Variants in TUBB8 observed in about 807,000 individuals in gnomAD.
TUBB8 encodes tubulin beta 8 class VIII.
TUBB8 carries 25 observed loss-of-function variants against 33.7 expected under a neutral mutation model. The observed-to-expected ratio is 0.74, with a 90% CI of 0.54 to 1.04. The LOEUF (loss-of-function observed/expected upper bound fraction) is 1.04, where lower values mean the gene tolerates loss of function less well. Among genes scored for constraint, TUBB8 ranks in the 50% least tolerant of loss-of-function variants. TUBB8 has a pLI of 0.00. For missense variants in TUBB8, 279 were observed against 608.0 expected, an observed-to-expected ratio of 0.46 and a Z score of 5.69; for synonymous variants, 245 against 240.1, an observed-to-expected ratio of 1.02 and a Z score of -0.19.
upstream of TUBB8, among the ~76,000 whole-genome samples, chr10:52,013 A>G (rs1197147821): frequency 2.0e-5 from 3 of 149,930 alleles, no homozygotes; most frequent in African/African-American, 4.9e-5. Context: ...GTGAGGGACA[A>G]AGAGCACAAG....
At chr10:73,712 C>A (rs1306341528) in intron 1 of TUBB8, among the ~76,000 whole-genome samples, 1 of 151,830 alleles carries the variant, frequency 6.6e-6, no homozygotes, top group Non-Finnish European at 1.5e-5. Flanking sequence ...CAGGCTGTGG[C>A]GCCTGCCAGT....
chr10:68,454 C>T (rs370633285), intron 1 of TUBB8, among the ~76,000 whole-genome samples: 1 of 133,642 alleles, frequency 7.5e-6, no homozygotes, highest in African/African-American at 2.9e-5. Flanking sequence ...GATATTGCAG[C>T]CGCAATACTG....
At chr10:75,974 C>A (rs1282598945), upstream of TUBB8, among the ~76,000 whole-genome samples, 1 of 151,702 alleles carries the variant, frequency 6.6e-6, no homozygotes, top group Non-Finnish European at 1.5e-5. Flanking sequence ...CCCGTCTCAA[C>A]TAAAAATAGA....
intron 1 of TUBB8, among the ~76,000 whole-genome samples, chr10:73,705 G>C (rs1834767905): frequency 6.6e-6 from 1 of 151,798 alleles, no homozygotes; most frequent in African/African-American, 2.4e-5. Context: ...TCGACCTCAG[G>C]CTGTGGCGCC....
At chr10:60,203 T>C (rs1292546094) in intron 1 of TUBB8, among the ~76,000 whole-genome samples, 5 of 152,120 alleles carry the variant, frequency 3.3e-5, no homozygotes, top group African/African-American at 1.2e-4. Context: ...TTAGGTTATT[T>C]ATTTGCAGCT....
upstream of TUBB8, among the ~76,000 whole-genome samples, chr10:75,579 C>T (rs1442859717): frequency 6.9e-6 from 1 of 145,920 alleles, no homozygotes; most frequent in Non-Finnish European, 1.5e-5. Flanking sequence ...TGCTTAAACC[C>T]GGGAGGCGGA....
intron 1 of TUBB8, among the ~76,000 whole-genome samples, chr10:64,929 AAG>A (rs1834649864): frequency 6.7e-6 from 1 of 149,854 alleles, no homozygotes; most frequent in Admixed American, 6.7e-5. Flanking sequence ...TTGAGGCCAG[AAG>A]CTTGAGACCA....
chr10:72,788 G>C (rs1360055924), intron 1 of TUBB8, among the ~76,000 whole-genome samples: 1 of 151,132 alleles, frequency 6.6e-6, no homozygotes, highest in Non-Finnish European at 1.5e-5. Flanking sequence ...GGAGGTGGAG[G>C]TTACAGCGAG....
chr10:71,667 C>G lies in TUBB8; in HGVS notation c.-846+2302G>C, dbSNP rs574423539. On this transcript the variant is annotated intron_variant, in intron 1 of 3. Transcript: ENST00000564130. ...TTAGGCTGGGTGCAGTGGCTCACAC[C>G]TGTAATCCCAGCACTTTGGGAGGCT... Among the ~76,000 whole-genome samples the G allele has an allele frequency of 1.4e-4, 21 of 152,064 alleles. 1 individual carries two copies. The highest frequency in any genetic ancestry group is 5.1e-4 in the African/African-American group (21 of 41,478).
chr10:59,058 G>T (rs1237079262), intron 1 of TUBB8, among the ~76,000 whole-genome samples: 1 of 151,920 alleles, frequency 6.6e-6, no homozygotes, highest in Non-Finnish European at 1.5e-5. Context: ...ACTAGCTGTG[G>T]GTCTGTCATA....
chr10:49,016 CCT>C (rs1834422010), intron 1 of TUBB8, 104 bp from the exon 2 acceptor site: 1 of 1,235,154 alleles, frequency 8.1e-7, no homozygotes, highest in Non-Finnish European at 1.1e-6. Context: ...CCTAGGCCGC[CCT>C]GTCCCTGGGG....
chr10:48,008 G>C lies in TUBB8; in HGVS notation c.384C>G (p.Asp128Glu), dbSNP rs782327504. 1 of 1,613,848 alleles carries C rather than the reference G, an allele frequency of 6.2e-7. No individual in the cohort carries two copies. Among genetic ancestry groups the C allele is most frequent in the Non-Finnish European group, 8.5e-7 (1 of 1,179,982 alleles). Residue 128 changes from aspartate (D) to glutamate (E), a missense_variant, in exon 4 of 4, where the codon GAC becomes GAG. This residue lies in a region of TUBB8 where 96 missense variants were observed against 233.7 expected (regional missense o/e 0.41). Coordinates refer to ENST00000568584, the MANE Select transcript of TUBB8 (RefSeq NM_177987.3). ...DVVRKEAESC[D>E]CLQGFQLTHS... Reference sequence around the variant, plus strand: ...GGGTCAGCTGGAAACCCTGCAGGCAGTCACAGCTCTCAGCCTCCTTTCTGA... The same window carrying C: ...GGGTCAGCTGGAAACCCTGCAGGCACTCACAGCTCTCAGCCTCCTTTCTGA...
At chr10:63,174 C>T (rs542770885) in intron 1 of TUBB8, among the ~76,000 whole-genome samples, 147 of 152,082 alleles carry the variant, frequency 9.7e-4, no homozygotes, top group East Asian at 1.2e-3. Flanking sequence ...CCTGGGTTCA[C>T]GCCATTCTCC....
rs377746204 is a variant in TUBB8, at chr10:58,776, T to C, written c.-845-8543A>G. On this transcript the variant is annotated intron_variant, in intron 1 of 3. Coordinates refer to the TUBB8 transcript ENST00000564130. The stretch of plus-strand genomic sequence containing the variant: ...CTGGCCCACCTCCAACATGGAGAAT[T>C]ACATTTAAATATGAGATTTGGGAGG... Among the ~76,000 whole-genome samples the C allele has an allele frequency of 1.0e-3, 153 of 152,350 alleles. 2 individuals are homozygous for C. In the South Asian group the frequency reaches 0.012, roughly 12 times the overall value.
chr10:68,986 G>A (rs2379055), intron 1 of TUBB8, among the ~76,000 whole-genome samples: 30,884 of 152,098 alleles, frequency 0.2, 4,893 homozygotes, highest in African/African-American at 0.45. Flanking sequence ...CAGACCCTGC[G>A]TTCCCAGGGG....
intron 1 of TUBB8, among the ~76,000 whole-genome samples, chr10:65,374 T>C (rs1375377961): frequency 6.6e-5 from 10 of 152,244 alleles, no homozygotes; most frequent in African/African-American, 2.4e-4. Context: ...ACACTAGGAC[T>C]TGACATCACA....
At chr10:62,782 T>C (rs1472237679) in intron 1 of TUBB8, among the ~76,000 whole-genome samples, 1 of 152,274 alleles carries the variant, frequency 6.6e-6, no homozygotes, top group Non-Finnish European at 1.5e-5. Context: ...TAAAAGTCTT[T>C]TTTTTCTTCA....
chr10:60,737 A>G (rs1834587653), intron 1 of TUBB8, among the ~76,000 whole-genome samples: 1 of 152,198 alleles, frequency 6.6e-6, no homozygotes, highest in African/African-American at 2.4e-5. Context: ...TATATACCCA[A>G]AGGACTGTAA....
chr10:49,792 C>T (rs1834442517), upstream of TUBB8: 1 of 351,060 alleles, frequency 2.8e-6, no homozygotes, highest in Non-Finnish European at 5.6e-6. Flanking sequence ...TCTGATTTAG[C>T]TGGAGTCTTC....
Sources: allele counts gnomAD v4.1 joint callset (sites outside exome capture counted in the v4.1 genomes callset), GRCh38; gene constraint gnomAD v4.1.1; regional missense constraint gnomAD v4.1.1; transcripts MANE v1.5; gene names NCBI Gene and HGNC (gene_info 2026-07-23, HGNC 2026-07-21).